The following MAN1B1 variants were observed in gnomAD, a reference collection of about 807,000 sequenced individuals.
MAN1B1 encodes mannosidase alpha class 1B member 1, also known as endoplasmic reticulum mannosyl-oligosaccharide 1,2-alpha-mannosidase.
MAN1B1 carries 66 observed loss-of-function variants against 75.5 expected under a neutral mutation model. The ratio of observed to expected loss-of-function variants is 0.87; its 90% CI spans 0.72 to 1.07. The LOEUF (loss-of-function observed/expected upper bound fraction) is 1.07. MAN1B1 is among the 50% of genes least tolerant of loss of function. The pLI, the probability that MAN1B1 is intolerant of heterozygous loss-of-function variation, is 0.00. For missense variants in MAN1B1, 973 were observed against 912.5 expected, an observed-to-expected ratio of 1.07 and a Z score of -0.85; for synonymous variants, 453 against 382.8, an observed-to-expected ratio of 1.18 and a Z score of -2.14.
chr9:137,107,800 G>A, intron 12 of MAN1B1, 138 bp downstream of exon 12: 1 of 1,260,892 alleles, frequency 7.9e-7, no homozygotes, highest in Non-Finnish European at 1.1e-6. Flanking sequence ...GCAGCCTCGG[G>A]GTGGCCACAC....
chr9:137,103,674 CGGT>C (rs1830983872), intron 8 of MAN1B1: 1 of 420,528 alleles, frequency 2.4e-6, no homozygotes, highest in Admixed American at 2.7e-5. Context: ...GCGTGCAGGT[CGGT>C]GGTGTTACAC....
intron 3 of MAN1B1, 67 bp from the exon 4 acceptor site, chr9:137,096,170 C>T (rs1339297485): frequency 1.3e-6 from 2 of 1,566,650 alleles, no homozygotes; most frequent in Non-Finnish European, 1.8e-6. Context: ...TGAGGGCGTC[C>T]CATAGAGGGA....
intron 8 of MAN1B1, chr9:137,102,631 C>T (rs897631933): frequency 2.0e-5 from 9 of 440,732 alleles, no homozygotes; most frequent in Middle Eastern, 6.7e-4. Context: ...GGTGGTGTTA[C>T]ATTCACGCTG....
At position 137,087,499 on chromosome 9, in the gene MAN1B1, T is replaced by C. The variant is rs1436840597; in HGVS notation, c.219+281T>C. The C allele has an allele frequency of 1.1e-5, 7 of 645,958 alleles. No homozygotes were observed. The East Asian group carries it at 1.9e-4, about 17-fold the overall frequency. The allele number at this position is 645,958 out of a possible 1,614,324, so 40.0% of individuals were successfully genotyped here. On this transcript the variant is annotated intron_variant, in intron 1 of 12. Coordinates refer to ENST00000371589, the MANE Select transcript of MAN1B1 (RefSeq NM_016219.5). The stretch of plus-strand genomic sequence containing the variant: ...GGGCTTCGTTCGCTTTTCTGCAAGG[T>C]CCTGGCCCAGGCGCCTGCCCCTCTT...
intron 8 of MAN1B1, chr9:137,102,003 T>G (rs559068985): frequency 3.0e-4 from 152 of 510,804 alleles, no homozygotes; most frequent in Admixed American, 2.7e-3. Flanking sequence ...GTCGGTGGTG[T>G]TACACACATT....
chr9:137,099,959 G>C, intron 6 of MAN1B1, 78 bp downstream of exon 6: 3 of 1,525,314 alleles, frequency 2.0e-6, no homozygotes, highest in Non-Finnish European at 2.7e-6. Context: ...GGTTGCACAC[G>C]GGGTGAAAGC....
In MAN1B1 at chr9:137,107,418, C is replaced by G. The variant is rs746999660; in HGVS notation, c.1735C>G (p.Gln579Glu). 3 of 1,613,510 alleles carry G rather than the reference C, an allele frequency of 1.9e-6. No homozygotes were observed. The highest frequency in any genetic ancestry group is 2.2e-5 in the East Asian group (1 of 44,886). Reference protein sequence around the residue: ...PEIVHFNLYPQPGRRDVEVKP... With the variant: ...PEIVHFNLYPEPGRRDVEVKP... ...GATCGTGCACTTCAACCTTTACCCC[C>G]AGCCGGGCCGTCGGGACGTGGAGGT... The change falls in exon 11 of 13, where the codon CAG becomes GAG. Residue 579 changes from glutamine to glutamate, a missense_variant. By Grantham distance (29) the Gln-to-Glu change is conservative. Coordinates refer to ENST00000371589, the MANE Select transcript of MAN1B1 (RefSeq NM_016219.5).
chr9:137,106,760 A>C lies in MAN1B1; in HGVS notation c.1517A>C (p.Lys506Thr), dbSNP rs1217749498. Residue 506 changes from lysine to threonine, a missense_variant, in exon 10 of 13, where the codon AAG (lysine) becomes ACG (threonine). Transcript: ENST00000371589. ...CTGCTGCGGCACTCCGAGCCCAGTA[A>C]GCTCACCTTTGTGGGGGAGCTTGCC... ...THLLRHSEPS[K>T]LTFVGELAHG... 1 of 1,613,382 alleles carries C rather than the reference A, an allele frequency of 6.2e-7. No homozygotes were observed. Among genetic ancestry groups the C allele is most frequent in the East Asian group, 2.2e-5 (1 of 44,874 alleles).
chr9:137,087,994 A>G, intron 1 of MAN1B1, 81 bp from the exon 2 acceptor site: 2 of 1,102,360 alleles, frequency 1.8e-6, no homozygotes, highest in South Asian at 1.2e-5. Context: ...AGAATTCCTT[A>G]TTGTCCTCAC....
intron 3 of MAN1B1, among the ~76,000 whole-genome samples, chr9:137,090,015 G>T (rs1228392018): frequency 6.6e-6 from 1 of 152,008 alleles, no homozygotes; most frequent in Admixed American, 6.6e-5. Context: ...GGAAGAAGGG[G>T]CCAGGCCTAG....
rs12003126 is a variant in MAN1B1, at chr9:137,096,094, G to A, written c.466-143G>A. On this transcript the variant is annotated intron_variant, in intron 3 of 12. Transcript: ENST00000371589. The stretch of plus-strand genomic sequence containing the variant: ...GAGCTGTCTTCTGAAGCTGCCTGTC[G>A]TATTGAAAAACGAAAGTAATTTAGT... 0.021 allele frequency: 18,162 copies of A among 850,684 alleles called. 1,933 individuals carry two copies. The African/African-American group carries it at 0.25, about 11-fold the overall frequency. The allele number at this position is 850,684 out of a possible 1,614,324, so 52.7% of individuals were successfully genotyped here.
At chr9:137,087,349 C>A in intron 1 of MAN1B1, 131 bp downstream of exon 1, 2 of 1,062,568 alleles carry the variant, frequency 1.9e-6, no homozygotes, top group Non-Finnish European at 2.7e-6. Flanking sequence ...CCCTTCCCCG[C>A]AAAAAGGGGC....
intron 5 of MAN1B1, among the ~76,000 whole-genome samples, chr9:137,098,842 CAAAA>C (rs879818816): frequency 2.3e-4 from 33 of 145,720 alleles, no homozygotes; most frequent in Admixed American, 1.2e-3. Context: ...CCCATCTCTA[CAAAA>C]AAAAAAGAAA....
intron 8 of MAN1B1, chr9:137,105,856 G>C (rs1831073469): frequency 3.2e-6 from 2 of 632,684 alleles, no homozygotes; most frequent in Non-Finnish European, 5.9e-6. Flanking sequence ...TAAGGGATGA[G>C]AGCCATCCTG....
At chr9:137,098,837 C>T (rs1033748058) in intron 5 of MAN1B1, among the ~76,000 whole-genome samples, 2 of 151,624 alleles carry the variant, frequency 1.3e-5, no homozygotes, top group African/African-American at 4.8e-5. Flanking sequence ...GAGGCCCCAT[C>T]TCTACAAAAA....
At chr9:137,098,239 G>T (rs1384235865) in intron 5 of MAN1B1, among the ~76,000 whole-genome samples, 11 of 152,222 alleles carry the variant, frequency 7.2e-5, no homozygotes, top group Admixed American at 7.2e-4. Context: ...CCCTGTCTCG[G>T]CCTGGCCAGT....
Position 137,106,211 on chromosome 9 carries a change from T to G in MAN1B1, c.1341T>G (p.Ser447Arg). The change falls in exon 9 of 13, where the codon AGT becomes AGG. Residue 447 changes from serine to arginine, a missense_variant. Ser to Arg is a moderately radical substitution (Grantham distance 110). Transcript: ENST00000371589. ...TGCCCATGTTCATCAATACCCACAG[T>G]GGCCTCTTCACCCACCTGGGCGTAT... Reference protein sequence around the residue: ...GLVPMFINTHSGLFTHLGVFT... With the variant: ...GLVPMFINTHRGLFTHLGVFT... 6.2e-7 allele frequency: 1 copy of G among 1,610,728 alleles called. No individual in the cohort carries two copies. The highest frequency in any genetic ancestry group is 8.5e-7 in the Non-Finnish European group (1 of 1,178,982).
At chr9:137,091,572 G>T in intron 3 of MAN1B1, among the ~76,000 whole-genome samples, 1 of 140,626 alleles carries the variant, frequency 7.1e-6, no homozygotes, top group African/African-American at 2.6e-5. Context: ...TGTTTCCCAG[G>T]CTGCAGTGCA....
chr9:137,101,484 G>GA lies in MAN1B1; in HGVS notation c.1067dup (p.Asp357GlyfsTer59), dbSNP rs1830809003. 1 of 1,613,688 alleles carries GA rather than the reference G, an allele frequency of 6.2e-7. No homozygotes were observed. The highest frequency in any genetic ancestry group is 1.7e-5 in the Admixed American group (1 of 60,008). On this transcript the variant is annotated frameshift_variant and splice_region_variant, in exon 8 of 13. Transcript: ENST00000371589. LOFTEE classifies it high-confidence loss of function. The stretch of plus-strand genomic sequence containing the variant: ...GTTCTCTACTCTGCTCATATACCAG[G>GA]AGGATTTTGGAAATCGGCTAATGCC...
Sources: allele counts gnomAD v4.1 joint callset (sites outside exome capture counted in the v4.1 genomes callset), GRCh38; gene constraint gnomAD v4.1.1; transcripts MANE v1.5; gene names NCBI Gene and HGNC (gene_info 2026-07-23, HGNC 2026-07-21).